The following TRPC4 variants were observed in gnomAD, a reference collection of about 807,000 sequenced individuals.
The protein encoded by TRPC4 is short transient receptor potential channel 4.
TRPC4 carries 49 observed loss-of-function variants against 99.4 expected under a neutral mutation model. That is an observed-to-expected ratio of 0.49 (90% CI 0.39 to 0.63). The LOEUF (loss-of-function observed/expected upper bound fraction) is 0.63. TRPC4 is among the 20% of genes least tolerant of loss of function. The pLI is 0.00. For synonymous variants in TRPC4, 454 were observed against 425.9 expected (o/e 1.07, Z -0.81); for missense variants, 898 against 1,152.9 (o/e 0.78, Z 3.20).
intron 3 of TRPC4, among the ~76,000 whole-genome samples, chr13:37,716,877 T>C (rs1031020428): frequency 6.6e-6 from 1 of 152,172 alleles, no homozygotes; most frequent in East Asian, 1.9e-4. Context: ...TGTGTACGTC[T>C]GAGTTCTTAA....
intron 1 of TRPC4, among the ~76,000 whole-genome samples, chr13:37,787,577 A>C (rs1181630612): frequency 2.0e-5 from 3 of 152,066 alleles, no homozygotes; most frequent in Non-Finnish European, 4.4e-5. Context: ...CAAGTGTTAC[A>C]TAAAAAATAT....
In TRPC4 at chr13:37,812,176, C is replaced by CAAAAAAAAAAAAAAA. The variant is rs61607544; in HGVS notation, c.-27-28831_-27-28817dup. On this transcript the variant is annotated intron_variant, in intron 1 of 10. Transcript: ENST00000379705. ...CCTAGGCAACAGACTGAGACTCTAT[C>CAAAAAAAAAAAAAAA]AAAAAAAAAAAAAAAAAAACCAGGA... Among the ~76,000 whole-genome samples the CAAAAAAAAAAAAAAA allele has an allele frequency of 3.3e-4, 18 of 55,150 alleles. 1 individual carries two copies. Among genetic ancestry groups the CAAAAAAAAAAAAAAA allele is most frequent in the African/African-American group, 8.7e-4 (11 of 12,690 alleles). 36.2% of individuals were successfully genotyped at this position (55,150 alleles called of 152,430 possible).
intron 5 of TRPC4, among the ~76,000 whole-genome samples, chr13:37,670,394 C>A (rs1351088676): frequency 1.3e-5 from 2 of 152,050 alleles, no homozygotes; most frequent in African/African-American, 4.8e-5. Context: ...ACCAAAAGGA[C>A]CTATGAATGG....
chr13:37,634,088 T>G lies in TRPC4; in HGVS notation c.*2815A>C, dbSNP rs571279675. On this transcript the variant is annotated 3_prime_UTR_variant, in exon 11 of 11. Transcript: ENST00000379705. ...ACACAAAATTTAAGAAAAACAGATT[T>G]TTTAAGATTAAGAGAGTACGAAAAA... is the stretch of plus-strand genomic sequence containing the variant. Among the ~76,000 whole-genome samples the G allele has an allele frequency of 1.3e-5, 2 of 152,226 alleles. No homozygotes were observed. The highest frequency in any genetic ancestry group is 3.9e-4 in the East Asian group (2 of 5,188).
chr13:37,843,818 G>A (rs372936525), intron 1 of TRPC4, among the ~76,000 whole-genome samples: 4 of 151,984 alleles, frequency 2.6e-5, no homozygotes, highest in Admixed American at 6.6e-5. Context: ...GCAACTATCC[G>A]CAGGCAAGAA....
chr13:37,642,938 GT>G (rs1346151508), intron 8 of TRPC4, among the ~76,000 whole-genome samples: 4 of 151,936 alleles, frequency 2.6e-5, no homozygotes, highest in Non-Finnish European at 5.9e-5. Flanking sequence ...CACCATGTTG[GT>G]CAGGCTGATC....
chr13:37,813,556 A>G (rs999753934), intron 1 of TRPC4, among the ~76,000 whole-genome samples: 25 of 151,920 alleles, frequency 1.6e-4, no homozygotes, highest in African/African-American at 6.0e-4. Context: ...AGGGAACACT[A>G]CTACTGATGT....
intron 4 of TRPC4, among the ~76,000 whole-genome samples, chr13:37,679,778 T>C (rs1278607620): frequency 6.6e-6 from 1 of 152,146 alleles, no homozygotes; most frequent in Non-Finnish European, 1.5e-5. Flanking sequence ...ATTGGGAAAA[T>C]GATAATAATA....
intron 1 of TRPC4, among the ~76,000 whole-genome samples, chr13:37,802,935 G>T (rs932738394): frequency 4.6e-5 from 7 of 151,612 alleles, no homozygotes; most frequent in East Asian, 1.9e-4. Context: ...TTATTACTTT[G>T]ATTTCTTAAG....
Position 37,639,246 on chromosome 13 carries a change from A to AG in TRPC4, c.2121+11dup. ...AGTGAAAATTTCAAGACATAGTACA[A>AG]GGACAACTTACTTGGTATTGGTGAT... On this transcript the variant is annotated intron_variant, in intron 9 of 10. Coordinates refer to ENST00000379705, the MANE Select transcript of TRPC4 (RefSeq NM_016179.4). 6.2e-7 allele frequency: 1 copy of AG among 1,613,680 alleles called. No homozygotes were observed. The highest frequency in any genetic ancestry group is 1.7e-5 in the Admixed American group (1 of 59,988).
At chr13:37,674,930 A>G (rs910700736) in intron 4 of TRPC4, among the ~76,000 whole-genome samples, 5 of 152,178 alleles carry the variant, frequency 3.3e-5, no homozygotes, top group Admixed American at 2.6e-4. Context: ...TTAATTTTTA[A>G]TAGGAAATGC....
At chr13:37,809,802 G>C (rs913417889) in intron 1 of TRPC4, among the ~76,000 whole-genome samples, 19 of 152,014 alleles carry the variant, frequency 1.2e-4, no homozygotes, top group African/African-American at 4.1e-4. Flanking sequence ...AGAACCTAGA[G>C]CACTGATGTT....
chr13:37,754,129 C>A (rs925816350), intron 2 of TRPC4, among the ~76,000 whole-genome samples: 3 of 152,098 alleles, frequency 2.0e-5, no homozygotes, highest in African/African-American at 7.2e-5. Flanking sequence ...TTTGACCTCA[C>A]AAACATTTAG....
chr13:37,810,873 C>T (rs1426800399), intron 1 of TRPC4, among the ~76,000 whole-genome samples: 1 of 151,904 alleles, frequency 6.6e-6, no homozygotes, highest in Non-Finnish European at 1.5e-5. Context: ...TTTATCTCTC[C>T]AACAAACTGA....
intron 1 of TRPC4, among the ~76,000 whole-genome samples, chr13:37,784,624 T>C (rs982723545): frequency 6.6e-6 from 1 of 152,092 alleles, no homozygotes; most frequent in Non-Finnish European, 1.5e-5. Context: ...TCTAGGTACT[T>C]AAACATGCAT....
At chr13:37,830,430 T>C (rs2139589921) in intron 1 of TRPC4, among the ~76,000 whole-genome samples, 2 of 152,164 alleles carry the variant, frequency 1.3e-5, no homozygotes, top group South Asian at 4.1e-4. Flanking sequence ...AATTGCTTGC[T>C]GGACATGATG....
chr13:37,754,794 C>T (rs1044890251), intron 2 of TRPC4, among the ~76,000 whole-genome samples: 4 of 152,070 alleles, frequency 2.6e-5, no homozygotes, highest in African/African-American at 9.7e-5. Context: ...ACATTAATAA[C>T]TGAATTATTT....
At chr13:37,795,727 C>A (rs1335522548) in intron 1 of TRPC4, among the ~76,000 whole-genome samples, 1 of 152,182 alleles carries the variant, frequency 6.6e-6, no homozygotes, top group African/African-American at 2.4e-5. Flanking sequence ...TACACAACAA[C>A]TTTGCTGCTG....
intron 3 of TRPC4, among the ~76,000 whole-genome samples, chr13:37,720,375 C>A (rs1374418142): frequency 6.6e-6 from 1 of 152,082 alleles, no homozygotes; most frequent in East Asian, 1.9e-4. Flanking sequence ...ATGCCAGATA[C>A]TTGCCATTCC....
Sources: gnomAD v4.1 joint callset for allele counts (sites outside exome capture counted in the v4.1 genomes callset) on GRCh38, gnomAD v4.1.1 for gene constraint, MANE v1.5 for transcripts, NCBI Gene and HGNC (gene_info 2026-07-23, HGNC 2026-07-21) for gene names.